USO1: variants seen among roughly 807,000 people sequenced by gnomAD.
USO1 encodes general vesicular transport factor p115.
USO1 carries 57 observed loss-of-function variants against 124.5 expected under a neutral mutation model. The ratio of observed to expected loss-of-function variants is 0.46; its 90% CI spans 0.37 to 0.57. USO1 has a LOEUF of 0.57. Among genes scored for constraint, USO1 ranks in the 20% least tolerant of loss-of-function variants. USO1 has a pLI of 0.00. For synonymous variants in USO1, 369 were observed against 362.8 expected, an observed-to-expected ratio of 1.02 and a Z score of -0.19; for missense variants, 900 against 1,040.6, an observed-to-expected ratio of 0.86 and a Z score of 1.86.
intron 4 of USO1, among the ~76,000 whole-genome samples, chr4:75,767,707 CTG>C (rs1407049363): frequency 1.3e-5 from 2 of 152,210 alleles, no homozygotes; most frequent in Non-Finnish European, 2.9e-5. Context: ...TATTTTTGGT[CTG>C]TTCTCTTCTA....
chr4:75,770,744 A>G (rs934689548), intron 5 of USO1, 78 bp from the exon 6 acceptor site: 8 of 1,560,082 alleles, frequency 5.1e-6, no homozygotes, highest in Non-Finnish European at 6.0e-6. Flanking sequence ...GTTTCTGGTA[A>G]AAGTTATTAG....
chr4:75,748,950 A>T (rs1231098796), intron 1 of USO1, among the ~76,000 whole-genome samples: 1 of 151,744 alleles, frequency 6.6e-6, no homozygotes, highest in Non-Finnish European at 1.5e-5. Context: ...GTAGTAAAAA[A>T]AATATATATA....
At chr4:75,743,850 C>T (rs1034744773) in intron 1 of USO1, among the ~76,000 whole-genome samples, 21 of 152,164 alleles carry the variant, frequency 1.4e-4, no homozygotes, top group Non-Finnish European at 8.8e-5. Context: ...GATCTTGGCT[C>T]ACTGCAAGCT....
intron 16 of USO1, 30 bp downstream of exon 16, chr4:75,800,829 A>G (rs367826166): frequency 2.0e-4 from 318 of 1,589,508 alleles, no homozygotes; most frequent in Non-Finnish European, 2.7e-4. Flanking sequence ...TTGATATTTG[A>G]TGGAAAGTAA....
intron 20 of USO1, among the ~76,000 whole-genome samples, chr4:75,808,409 A>G (rs777189878): frequency 7.2e-5 from 11 of 152,128 alleles, no homozygotes; most frequent in African/African-American, 1.4e-4. Flanking sequence ...CTGATGATCT[A>G]TTTCTTAAAT....
At chr4:75,806,378 T>A in intron 19 of USO1, 108 bp from the exon 20 acceptor site, 1 of 1,366,016 alleles carries the variant, frequency 7.3e-7, no homozygotes. Context: ...TTGGTGTGAA[T>A]TTTTTGGTAA....
intron 21 of USO1, among the ~76,000 whole-genome samples, chr4:75,809,348 G>A (rs183849233): frequency 2.1e-4 from 32 of 152,198 alleles, no homozygotes; most frequent in Admixed American, 6.5e-4. Context: ...TTCAGAAACC[G>A]TTGTTGTTTT....
chr4:75,779,086 T>G (rs1165041072), intron 8 of USO1, among the ~76,000 whole-genome samples: 1 of 152,150 alleles, frequency 6.6e-6, no homozygotes, highest in East Asian at 1.9e-4. Flanking sequence ...TTGTAATTGT[T>G]TTGGGGTACC....
At position 75,790,633 on chromosome 4, in the gene USO1, A is replaced by G. The variant is rs1473754938; in HGVS notation, c.1086-10A>G. ...GTTTCATTTTGTTCTTTTCTTTTTA[A>G]ATGCAACAGACCGGCAATTGTAGTA... On this transcript the variant is annotated splice_polypyrimidine_tract_variant and intron_variant, in intron 11 of 23. Coordinates refer to ENST00000514213, the MANE Select transcript of USO1 (RefSeq NM_003715.4). 1 of 1,591,156 alleles carries G rather than the reference A, an allele frequency of 6.3e-7. No individual in the cohort carries two copies. The highest frequency in any genetic ancestry group is 8.5e-7 in the Non-Finnish European group (1 of 1,173,516).
chr4:75,734,718 C>CTTTTTTTTTTTTTTTTTTTTT lies in USO1; in HGVS notation c.66+9841_66+9861dup, dbSNP rs55928639. Among the ~76,000 whole-genome samples, 8 of 47,450 alleles carry CTTTTTTTTTTTTTTTTTTTTT rather than the reference C, an allele frequency of 1.7e-4. 3 individuals carry two copies. Among genetic ancestry groups the CTTTTTTTTTTTTTTTTTTTTT allele is most frequent in the Non-Finnish European group, 2.9e-4 (8 of 28,018 alleles). 31.1% of individuals were successfully genotyped at this position (47,450 alleles called of 152,430 possible). ...CTGTAGATTGCTTTGGGCAGTATGG[C>CTTTTTTTTTTTTTTTTTTTTT]TTTTTTTTTTTTTTTTTTTTTTTTT... On this transcript the variant is annotated intron_variant, in intron 1 of 23. Transcript: ENST00000514213.
intron 8 of USO1, among the ~76,000 whole-genome samples, chr4:75,776,944 G>A (rs1306579231): frequency 2.6e-5 from 4 of 152,112 alleles, no homozygotes; most frequent in South Asian, 4.1e-4. Flanking sequence ...CTTTGGAATA[G>A]GGCCAGAACT....
At position 75,774,551 on chromosome 4, in the gene USO1, G is replaced by A. The variant is rs530524385; in HGVS notation, c.556-125G>A. 22 of 1,124,004 alleles carry A rather than the reference G, an allele frequency of 2.0e-5. No homozygotes were observed. The African/African-American group carries it at 2.0e-4, about 10-fold the overall frequency. 69.6% of individuals were successfully genotyped at this position (1,124,004 alleles called of 1,614,324 possible). ...ACTATTCTGTTCTTGTTTTCCTTAT[G>A]TATAAAGTAAAGGAGTTGGGCTTGC... On this transcript the variant is annotated intron_variant, in intron 7 of 23. Transcript: ENST00000514213.
At chr4:75,733,258 C>CA (rs926701415) in intron 1 of USO1, among the ~76,000 whole-genome samples, 21 of 146,620 alleles carry the variant, frequency 1.4e-4, no homozygotes, top group African/African-American at 4.3e-4. Flanking sequence ...GACTCTGTCT[C>CA]AAAAAAAAAA....
intron 13 of USO1, among the ~76,000 whole-genome samples, chr4:75,794,203 T>C (rs1270997655): frequency 1.3e-5 from 2 of 152,078 alleles, no homozygotes; most frequent in Admixed American, 6.5e-5. Flanking sequence ...CATTTTTCTC[T>C]TTCTTCTCAG....
intron 1 of USO1, among the ~76,000 whole-genome samples, chr4:75,726,212 C>T (rs1577917197): frequency 1.5e-5 from 2 of 136,902 alleles, no homozygotes; most frequent in African/African-American, 5.8e-5. Flanking sequence ...ACTCGGGAGG[C>T]GGAGGTTACG....
chr4:75,774,902 CTTTG>C (rs1290814753), intron 8 of USO1, 106 bp downstream of exon 8: 1 of 1,401,058 alleles, frequency 7.1e-7, no homozygotes, highest in Middle Eastern at 1.9e-4. Context: ...TATTTATACT[CTTTG>C]TTTTTCTTTC....
intron 13 of USO1, 88 bp from the exon 14 acceptor site, chr4:75,799,534 T>C (rs1722781021): frequency 6.9e-7 from 1 of 1,449,000 alleles, no homozygotes; most frequent in Non-Finnish European, 9.3e-7. Flanking sequence ...AAAGTTCTTT[T>C]CATGCAAATG....
chr4:75,763,929 T>A (rs1338878478), intron 4 of USO1, among the ~76,000 whole-genome samples: 3 of 152,188 alleles, frequency 2.0e-5, no homozygotes, highest in Non-Finnish European at 4.4e-5. Flanking sequence ...CTGCTACACT[T>A]AAAGCTTTGT....
chr4:75,792,076 A>G (rs757360101), intron 12 of USO1, among the ~76,000 whole-genome samples: 2 of 151,192 alleles, frequency 1.3e-5, no homozygotes, highest in Non-Finnish European at 1.5e-5. Context: ...TGTTTCAAAT[A>G]ATCTAATTGT....
Sources: gnomAD v4.1 joint callset for allele counts (sites outside exome capture counted in the v4.1 genomes callset) on GRCh38, gnomAD v4.1.1 for gene constraint, MANE v1.5 for transcripts, NCBI Gene and HGNC (gene_info 2026-07-23, HGNC 2026-07-21) for gene names.